The following CAP2 variants were observed in gnomAD, a reference collection of about 807,000 sequenced individuals.
CAP2 encodes the protein cyclase associated actin cytoskeleton regulatory protein 2, also known as adenylyl cyclase-associated protein 2.
Under a neutral mutation model 57.7 loss-of-function variants are expected in CAP2, and 24 were observed. That is an observed-to-expected ratio of 0.42 (90% CI 0.30 to 0.58). CAP2 has a LOEUF of 0.58. Ranked by LOEUF, CAP2 falls within the 20% of genes least tolerant of loss-of-function variation. The probability of loss-of-function intolerance (pLI) is 0.22; values close to 1 mark genes in which losing one functional copy is unlikely to be tolerated. For synonymous variants in CAP2, 194 were observed against 207.2 expected, an observed-to-expected ratio of 0.94 and a Z score of 0.55; for missense variants, 501 against 590.3, an observed-to-expected ratio of 0.85 and a Z score of 1.57.
chr6:17,414,261 C>CT (rs61122805), intron 1 of CAP2, among the ~76,000 whole-genome samples: 14,648 of 148,192 alleles, frequency 0.099, 2,374 homozygotes, highest in African/African-American at 0.34. Context: ...AGTCTATTTC[C>CT]TTTTTTTTTT....
chr6:17,487,425 C>T (rs1184519416), intron 4 of CAP2, among the ~76,000 whole-genome samples: 3 of 151,886 alleles, frequency 2.0e-5, no homozygotes, highest in Non-Finnish European at 4.4e-5. Flanking sequence ...GGCTCAGCAG[C>T]CTCATCACCC....
intron 3 of CAP2, among the ~76,000 whole-genome samples, chr6:17,445,366 G>A (rs773509885): frequency 1.6e-4 from 25 of 152,202 alleles, no homozygotes; most frequent in Non-Finnish European, 2.6e-4. Flanking sequence ...CTCGGCCTCC[G>A]AAAGTGCTTG....
intron 3 of CAP2, among the ~76,000 whole-genome samples, chr6:17,461,858 T>C (rs1183751758): frequency 6.7e-6 from 1 of 150,096 alleles, no homozygotes; most frequent in Non-Finnish European, 1.5e-5. Flanking sequence ...CCAGGCGTGG[T>C]GGCGGGCGCC....
chr6:17,550,167 G>A (rs768182442), intron 11 of CAP2, among the ~76,000 whole-genome samples: 2 of 152,136 alleles, frequency 1.3e-5, no homozygotes, highest in Non-Finnish European at 2.9e-5. Context: ...TCAGGAGTTC[G>A]AGACAGAGGT....
At chr6:17,397,421 G>C (rs930279503) in intron 1 of CAP2, among the ~76,000 whole-genome samples, 1 of 151,990 alleles carries the variant, frequency 6.6e-6, no homozygotes. Flanking sequence ...TGGGCTGGGC[G>C]TGGTGGCTCA....
intron 8 of CAP2, among the ~76,000 whole-genome samples, chr6:17,540,519 G>A (rs1213904162): frequency 6.6e-6 from 1 of 152,012 alleles, no homozygotes; most frequent in Non-Finnish European, 1.5e-5. Flanking sequence ...GGGAGGCCAA[G>A]GAGGGTGGAT....
chr6:17,528,853 T>A (rs189388673), intron 7 of CAP2, among the ~76,000 whole-genome samples: 6 of 152,328 alleles, frequency 3.9e-5, no homozygotes, highest in African/African-American at 1.2e-4. Flanking sequence ...CACTGTGGTA[T>A]TATTAACAAT....
intron 4 of CAP2, among the ~76,000 whole-genome samples, chr6:17,466,835 A>T (rs116797913): frequency 5.9e-5 from 9 of 152,130 alleles, no homozygotes; most frequent in Non-Finnish European, 1.3e-4. Context: ...GCAGTAACAA[A>T]CATCTCTAAA....
intron 7 of CAP2, among the ~76,000 whole-genome samples, chr6:17,518,374 G>A (rs562591221): frequency 1.2e-4 from 19 of 152,196 alleles, no homozygotes; most frequent in African/African-American, 3.6e-4. Flanking sequence ...GTGGCCTGTC[G>A]ACATTCCAGC....
At chr6:17,397,186 A>T (rs958552837) in intron 1 of CAP2, among the ~76,000 whole-genome samples, 4 of 152,020 alleles carry the variant, frequency 2.6e-5, no homozygotes, top group African/African-American at 9.7e-5. Flanking sequence ...CAGCCTCCTG[A>T]GTAGCTGGGA....
intron 4 of CAP2, among the ~76,000 whole-genome samples, chr6:17,488,900 T>G (rs964244528): frequency 6.6e-6 from 1 of 152,120 alleles, no homozygotes; most frequent in African/African-American, 2.4e-5. Context: ...GGATATTCTC[T>G]CAGTTAATAA....
At position 17,543,170 on chromosome 6, in the gene CAP2, G is replaced by C. The variant is rs368093992; in HGVS notation, c.1209+27G>C. 6 of 1,573,236 alleles carry C rather than the reference G, an allele frequency of 3.8e-6. No individual in the cohort carries two copies. In the African/African-American group the frequency reaches 6.7e-5, roughly 18 times the overall value. ...TAAGCAGAGCCTTTCCAACCATGCT[G>C]TAATAAGCAGAGCCTTTCCAACCAC... On this transcript the variant is annotated intron_variant, in intron 11 of 12. Coordinates refer to ENST00000229922, the MANE Select transcript of CAP2 (RefSeq NM_006366.3).
intron 1 of CAP2, among the ~76,000 whole-genome samples, chr6:17,394,984 A>G (rs1045329633): frequency 3.3e-5 from 5 of 152,244 alleles, no homozygotes; most frequent in African/African-American, 1.2e-4. Context: ...ATATTTTGCA[A>G]GGAAAGGCGA....
At chr6:17,431,133 A>G (rs1759718905) in intron 3 of CAP2, among the ~76,000 whole-genome samples, 1 of 152,160 alleles carries the variant, frequency 6.6e-6, no homozygotes, top group African/African-American at 2.4e-5. Flanking sequence ...AGGGGACAAT[A>G]GACAGTGGGC....
intron 6 of CAP2, among the ~76,000 whole-genome samples, chr6:17,512,170 C>A (rs1007711279): frequency 6.6e-6 from 1 of 151,802 alleles, no homozygotes; most frequent in Admixed American, 6.6e-5. Flanking sequence ...AGGGAAGATA[C>A]CTTGAGGCCA....
Position 17,556,390 on chromosome 6 carries a change from C to T in CAP2, c.1382C>T (p.Thr461Ile), listed in dbSNP as rs1230225914. 1.2e-6 allele frequency: 2 copies of T among 1,613,782 alleles called. No individual in the cohort carries two copies. The highest frequency in any genetic ancestry group is 2.2e-5 in the South Asian group (2 of 91,062). ...TTTCCCATTCCTGAACAGTTCAAGA[C>T]AGCATGGGATGGATCCAAGTTAATC... ...REFPIPEQFK[T>I]AWDGSKLITE... is the part of the protein sequence containing the mutation. Residue 461 changes from threonine to isoleucine, a missense_variant, in exon 13 of 13, where the codon ACA becomes ATA. Thr to Ile is a moderately conservative substitution (Grantham distance 89). Coordinates refer to ENST00000229922, the MANE Select transcript of CAP2 (RefSeq NM_006366.3).
chr6:17,542,156 G>C lies in CAP2; in HGVS notation c.1003-681G>C, dbSNP rs181267883. 9.2e-5 allele frequency among the ~76,000 whole-genome samples: 14 copies of C among 152,200 alleles called. No individual in the cohort carries two copies. In the East Asian group the frequency reaches 2.1e-3, roughly 23 times the overall value. Reference sequence around the variant, plus strand: ...TCTACTTTCTGTCTCTATGAATTTAGCTATTCTTTCTATAAGCTTTTAATC... The same window carrying C: ...TCTACTTTCTGTCTCTATGAATTTACCTATTCTTTCTATAAGCTTTTAATC... On this transcript the variant is annotated intron_variant, in intron 9 of 12. Transcript: ENST00000229922.
chr6:17,424,252 T>C (rs1294347461), intron 2 of CAP2, among the ~76,000 whole-genome samples: 1 of 151,998 alleles, frequency 6.6e-6, no homozygotes, highest in Non-Finnish European at 1.5e-5. Flanking sequence ...TGAAAAAAAT[T>C]AGCTGGGCGT....
At chr6:17,474,796 C>G (rs1032720775) in intron 4 of CAP2, among the ~76,000 whole-genome samples, 2 of 152,112 alleles carry the variant, frequency 1.3e-5, no homozygotes, top group Non-Finnish European at 2.9e-5. Flanking sequence ...GTTGATATCT[C>G]TTTGCTTTTC....
Sources: allele counts gnomAD v4.1 joint callset (sites outside exome capture counted in the v4.1 genomes callset), GRCh38; gene constraint gnomAD v4.1.1; transcripts MANE v1.5; gene names NCBI Gene and HGNC (gene_info 2026-07-23, HGNC 2026-07-21).